Variants in GPR55 observed in about 807,000 individuals in gnomAD.
GPR55 encodes the protein G-protein coupled receptor 55.
Under a neutral mutation model 7.9 loss-of-function variants are expected in GPR55, and 6 were observed. The ratio of observed to expected loss-of-function variants is 0.76; its 90% CI spans 0.41 to 1.49. The LOEUF (loss-of-function observed/expected upper bound fraction) is 1.49. Among genes scored for constraint, GPR55 ranks in the 40% most tolerant of loss-of-function variants. The pLI is 0.01. For synonymous variants in GPR55, 183 were observed against 166.8 expected (o/e 1.10, Z -0.75); for missense variants, 376 against 406.0 (o/e 0.93, Z 0.63).
chr2:230,939,202 TG>T (rs112691432), intron 1 of GPR55, among the ~76,000 whole-genome samples: 1 of 152,132 alleles, frequency 6.6e-6, no homozygotes, highest in African/African-American at 2.4e-5. Context: ...TGTGGAGTTC[TG>T]GGGGGGCAGG....
rs143941107 is a variant in GPR55, at chr2:230,950,107, G to A, written c.-135+10668C>T. 1.6e-3 allele frequency among the ~76,000 whole-genome samples: 241 copies of A among 152,366 alleles called. 4 individuals are homozygous for A. The East Asian group carries it at 0.042, about 27-fold the overall frequency. On this transcript the variant is annotated intron_variant, in intron 1 of 1. Transcript: ENST00000392039. ...CTCCCCAAGTGCTGGGATTACAGGCGTGAGCCATCACGCCCAGCCAGTTTC... is the reference window on the plus strand; with the variant it reads ...CTCCCCAAGTGCTGGGATTACAGGCATGAGCCATCACGCCCAGCCAGTTTC...
chr2:230,956,467 A>C (rs79004827), intron 1 of GPR55, among the ~76,000 whole-genome samples: 10,441 of 152,232 alleles, frequency 0.069, 756 homozygotes, highest in East Asian at 0.4. Flanking sequence ...CACTCCTGGC[A>C]ATCTTTTAAT....
intron 1 of GPR55, among the ~76,000 whole-genome samples, chr2:230,940,543 G>A (rs962667457): frequency 3.3e-5 from 5 of 152,182 alleles, no homozygotes; most frequent in Admixed American, 3.3e-4. Context: ...CACACACCAG[G>A]CTGTGCTTAG....
intron 1 of GPR55, among the ~76,000 whole-genome samples, chr2:230,935,405 G>T (rs1269550242): frequency 6.6e-6 from 1 of 152,136 alleles, no homozygotes; most frequent in Non-Finnish European, 1.5e-5. Context: ...TCCTTCTGAA[G>T]CTCCTAGGGG....
At chr2:230,953,028 T>C (rs1236712700) in intron 1 of GPR55, among the ~76,000 whole-genome samples, 1 of 152,216 alleles carries the variant, frequency 6.6e-6, no homozygotes, top group Non-Finnish European at 1.5e-5. Flanking sequence ...GAGTGATACT[T>C]GGGTCCATCC....
intron 1 of GPR55, among the ~76,000 whole-genome samples, chr2:230,943,649 G>A (rs1470356534): frequency 1.3e-5 from 2 of 152,204 alleles, no homozygotes; most frequent in Non-Finnish European, 2.9e-5. Context: ...TGCTGGAGGC[G>A]GGGCCTGGTG....
At chr2:230,943,306 C>G (rs1448124637) in intron 1 of GPR55, among the ~76,000 whole-genome samples, 1 of 152,156 alleles carries the variant, frequency 6.6e-6, no homozygotes, top group African/African-American at 2.4e-5. Context: ...TGCCCGAGAG[C>G]TTGGCTGGCT....
At chr2:230,930,655 A>G (rs1441850113) in intron 1 of GPR55, among the ~76,000 whole-genome samples, 5 of 151,896 alleles carry the variant, frequency 3.3e-5, no homozygotes, top group Non-Finnish European at 7.4e-5. Flanking sequence ...AGGCATTGAG[A>G]GGTTTTGCCA....
At chr2:230,951,770 T>G (rs1162975512) in intron 1 of GPR55, among the ~76,000 whole-genome samples, 6 of 151,200 alleles carry the variant, frequency 4.0e-5, no homozygotes, top group African/African-American at 1.5e-4. Context: ...TTTTTTTTTT[T>G]TTTTGTGAGA....
intron 1 of GPR55, among the ~76,000 whole-genome samples, chr2:230,945,104 A>C (rs1691290443): frequency 6.6e-6 from 1 of 152,178 alleles, no homozygotes; most frequent in South Asian, 2.1e-4. Context: ...GGTAGTAACA[A>C]ATTCTGGTGG....
chr2:230,910,975 A>G lies in GPR55; in HGVS notation c.-13T>C, dbSNP rs769334376. The G allele has an allele frequency of 6.3e-7, 1 of 1,582,726 alleles. No homozygotes were observed. The highest frequency in any genetic ancestry group is 8.6e-7 in the Non-Finnish European group (1 of 1,160,490). On this transcript the variant is annotated 5_prime_UTR_variant, in exon 2 of 2. Coordinates refer to ENST00000650999, the MANE Select transcript of GPR55 (RefSeq NM_005683.4). The surrounding 1 kb of genome is among the most constrained non-coding windows in gnomAD (Gnocchi z 5.4). ...TTTGCTGACTCATGTTTCTTCCTAC[A>G]ACACCAACAGATCAGACGGGGCTCC...
intron 1 of GPR55, among the ~76,000 whole-genome samples, chr2:230,948,022 C>A (rs565711543): frequency 2.0e-5 from 3 of 152,154 alleles, no homozygotes; most frequent in African/African-American, 7.2e-5. Flanking sequence ...AGTGCCCGCC[C>A]GGCTCCTTTG....
chr2:230,928,180 G>C (rs1690973742), upstream of GPR55, among the ~76,000 whole-genome samples: 1 of 152,172 alleles, frequency 6.6e-6, no homozygotes, highest in Admixed American at 6.5e-5. Flanking sequence ...GCCGCCCCGG[G>C]GTCCCAGGGA....
At chr2:230,952,869 A>T (rs1010206054) in intron 1 of GPR55, among the ~76,000 whole-genome samples, 1 of 152,076 alleles carries the variant, frequency 6.6e-6, no homozygotes, top group Non-Finnish European at 1.5e-5. Flanking sequence ...AAGCCTCTGC[A>T]TGGTGGCCCA....
intron 1 of GPR55, among the ~76,000 whole-genome samples, chr2:230,921,908 GATCGTGAC>G (rs1350742640): frequency 2.2e-4 from 34 of 152,226 alleles, no homozygotes; most frequent in Non-Finnish European, 3.8e-4. Flanking sequence ...ATCCTCCAGT[GATCGTGAC>G]GTGTTCCACC....
At chr2:230,932,637 A>G (rs951006420) in intron 1 of GPR55, among the ~76,000 whole-genome samples, 5 of 152,186 alleles carry the variant, frequency 3.3e-5, no homozygotes, top group African/African-American at 1.2e-4. Context: ...TGGGGCTCGA[A>G]ACTGGCCAGG....
intron 1 of GPR55, among the ~76,000 whole-genome samples, chr2:230,959,699 G>A (rs1277880972): frequency 6.6e-6 from 1 of 151,986 alleles, no homozygotes; most frequent in Non-Finnish European, 1.5e-5. Context: ...AAAACAATCA[G>A]AGCAACAGTA....
chr2:230,920,066 A>G (rs764311923), intron 1 of GPR55, among the ~76,000 whole-genome samples: 1 of 147,904 alleles, frequency 6.8e-6, no homozygotes, highest in Non-Finnish European at 1.5e-5. Context: ...GTGATTTTTA[A>G]AATCTTTTAT....
intron 1 of GPR55, among the ~76,000 whole-genome samples, chr2:230,941,842 T>G (rs1244827782): frequency 6.6e-6 from 1 of 152,190 alleles, no homozygotes. Flanking sequence ...TTTCAAGTAT[T>G]TGTTTGATAT....
Sources: gnomAD v4.1 joint callset for allele counts (sites outside exome capture counted in the v4.1 genomes callset) on GRCh38, gnomAD v4.1.1 for gene constraint, Gnocchi (gnomAD v3.1) non-coding constraint, MANE v1.5 for transcripts, NCBI Gene and HGNC (gene_info 2026-07-23, HGNC 2026-07-21) for gene names.